The following ELMO1 variants were observed in gnomAD, a reference collection of about 807,000 sequenced individuals.
The protein encoded by ELMO1 is engulfment and cell motility 1, also known as engulfment and cell motility protein 1.
Under a neutral mutation model 98.9 loss-of-function variants are expected in ELMO1, and 26 were observed. The observed-to-expected ratio is 0.26, with a 90% CI of 0.19 to 0.36. ELMO1 has a LOEUF of 0.36. ELMO1 is among the 10% of genes least tolerant of loss of function. The probability of loss-of-function intolerance (pLI) is 1.00; values close to 1 mark genes in which losing one functional copy is unlikely to be tolerated. For missense variants in ELMO1, 627 were observed against 935.2 expected (o/e 0.67, Z 4.30); for synonymous variants, 346 against 346.0 (o/e 1.00, Z 0.00).
intron 16 of ELMO1, among the ~76,000 whole-genome samples, chr7:36,927,564 GT>G: frequency 6.6e-6 from 1 of 152,300 alleles, no homozygotes; most frequent in East Asian, 1.9e-4. Flanking sequence ...ACACCAAGAA[GT>G]AAGCTATAAT....
intron 1 of ELMO1, among the ~76,000 whole-genome samples, chr7:37,355,335 G>C (rs1409200026): frequency 6.6e-6 from 1 of 152,192 alleles, no homozygotes; most frequent in African/African-American, 2.4e-5. Context: ...CCTGACCTGG[G>C]ATTATCATTT....
chr7:36,891,459 G>GA (rs1390679540), intron 17 of ELMO1, among the ~76,000 whole-genome samples: 1 of 152,150 alleles, frequency 6.6e-6, no homozygotes, highest in South Asian at 2.1e-4. Flanking sequence ...TCCTGGCTTT[G>GA]TTTTTGCTTT....
chr7:36,945,892 C>T (rs1787441137), intron 16 of ELMO1, among the ~76,000 whole-genome samples: 1 of 152,206 alleles, frequency 6.6e-6, no homozygotes, highest in South Asian at 2.1e-4. Context: ...GACAGATTCC[C>T]ACTTTGGACT....
intron 16 of ELMO1, among the ~76,000 whole-genome samples, chr7:36,935,777 G>A (rs1786475436): frequency 6.6e-6 from 1 of 152,172 alleles, no homozygotes; most frequent in African/African-American, 2.4e-5. Context: ...AAAAGCCTAG[G>A]AAAATGGCTG....
Position 37,325,050 on chromosome 7 carries a change from G to A in ELMO1, c.79-9090C>T, listed in dbSNP as rs114306667. Reference sequence around the variant, plus strand: ...GGTACATAGTAGGGCATTACATAACGTTATCTACAGATAGCTTCTTTTATT... The same window carrying A: ...GGTACATAGTAGGGCATTACATAACATTATCTACAGATAGCTTCTTTTATT... On this transcript the variant is annotated intron_variant, in intron 2 of 21. Coordinates refer to ENST00000310758, the MANE Select transcript of ELMO1 (RefSeq NM_014800.11). 6.9e-3 allele frequency among the ~76,000 whole-genome samples: 1,051 copies of A among 152,154 alleles called. 14 individuals carry two copies. Among genetic ancestry groups the A allele is most frequent in the African/African-American group, 0.024 (1,002 of 41,508 alleles).
intron 13 of ELMO1, among the ~76,000 whole-genome samples, chr7:37,138,978 T>A (rs1352074448): frequency 6.6e-6 from 1 of 152,200 alleles, no homozygotes; most frequent in African/African-American, 2.4e-5. Flanking sequence ...GAAAATCATA[T>A]GATCATCTCA....
At chr7:37,222,583 C>T (rs757603228) in intron 10 of ELMO1, 32 bp downstream of exon 10, 1 of 1,604,696 alleles carries the variant, frequency 6.2e-7, no homozygotes, top group Admixed American at 1.7e-5. Context: ...CTAGCCTTGA[C>T]ATAGCCATAA....
intron 13 of ELMO1, among the ~76,000 whole-genome samples, chr7:37,157,416 C>T (rs1486169593): frequency 6.6e-6 from 1 of 152,102 alleles, no homozygotes; most frequent in South Asian, 2.1e-4. Flanking sequence ...TCTAGAAAAC[C>T]CCATCGTATC....
intron 5 of ELMO1, among the ~76,000 whole-genome samples, chr7:37,267,431 C>T (rs1796321203): frequency 6.6e-6 from 1 of 152,196 alleles, no homozygotes; most frequent in Non-Finnish European, 1.5e-5. Context: ...TGCATATAGC[C>T]ATGCTTGGGC....
intron 4 of ELMO1, among the ~76,000 whole-genome samples, chr7:37,277,791 C>T (rs544462284): frequency 7.9e-5 from 12 of 152,124 alleles, no homozygotes; most frequent in South Asian, 6.2e-4. Context: ...TTACTGAGAA[C>T]GCACACCTTC....
chr7:37,433,305 G>T (rs998512788), intron 1 of ELMO1, among the ~76,000 whole-genome samples: 3 of 152,210 alleles, frequency 2.0e-5, no homozygotes, highest in Admixed American at 6.5e-5. Context: ...GGGAACACCT[G>T]CCGTGAGCCC....
At chr7:36,860,822 T>C (rs1228170360) in intron 21 of ELMO1, among the ~76,000 whole-genome samples, 1 of 152,212 alleles carries the variant, frequency 6.6e-6, no homozygotes, top group East Asian at 1.9e-4. Flanking sequence ...TAATCTTTCC[T>C]CTCTCTTTGG....
chr7:37,200,773 CT>C (rs1319164360), intron 13 of ELMO1, among the ~76,000 whole-genome samples: 1 of 152,018 alleles, frequency 6.6e-6, no homozygotes, highest in Non-Finnish European at 1.5e-5. Flanking sequence ...TGAGACCAGC[CT>C]GGGCAACATG....
chr7:37,236,436 T>C (rs1794465840), intron 7 of ELMO1, among the ~76,000 whole-genome samples: 1 of 152,186 alleles, frequency 6.6e-6, no homozygotes, highest in Non-Finnish European at 1.5e-5. Context: ...TTTCACAGCA[T>C]ACACCAGTCA....
chr7:37,165,060 T>C (rs1370607124), intron 13 of ELMO1, among the ~76,000 whole-genome samples: 4 of 152,192 alleles, frequency 2.6e-5, no homozygotes, highest in African/African-American at 9.6e-5. Flanking sequence ...ACATCCCTTG[T>C]AAGGTGGATT....
At chr7:36,974,312 C>T (rs1790300394) in intron 16 of ELMO1, among the ~76,000 whole-genome samples, 1 of 152,214 alleles carries the variant, frequency 6.6e-6, no homozygotes, top group African/African-American at 2.4e-5. Flanking sequence ...AATCGACACT[C>T]TGTATCTAGC....
At chr7:37,039,155 A>C (rs1795359370) in intron 15 of ELMO1, among the ~76,000 whole-genome samples, 2 of 152,224 alleles carry the variant, frequency 1.3e-5, no homozygotes, top group Non-Finnish European at 2.9e-5. Context: ...TTTAGTTTGC[A>C]AGGACAACCA....
chr7:36,929,992 T>C (rs1408427331), intron 16 of ELMO1, among the ~76,000 whole-genome samples: 1 of 152,156 alleles, frequency 6.6e-6, no homozygotes, highest in Non-Finnish European at 1.5e-5. Context: ...AGGCCCTAAA[T>C]TATGTTGAGA....
chr7:37,255,293 A>T (rs1282673355), intron 6 of ELMO1, among the ~76,000 whole-genome samples: 1 of 152,152 alleles, frequency 6.6e-6, no homozygotes, highest in Non-Finnish European at 1.5e-5. Flanking sequence ...AAAAACAGGG[A>T]TGTGCACATG....
Sources: allele counts gnomAD v4.1 joint callset (sites outside exome capture counted in the v4.1 genomes callset), GRCh38; gene constraint gnomAD v4.1.1; transcripts MANE v1.5; gene names NCBI Gene and HGNC (gene_info 2026-07-23, HGNC 2026-07-21).